The following MGAM variants were observed in gnomAD, a reference collection of about 807,000 sequenced individuals.
The protein encoded by MGAM is alpha-1,4-glucosidase.
Under a neutral mutation model 358.8 loss-of-function variants are expected in MGAM, and 253 were observed. The ratio of observed to expected loss-of-function variants is 0.71; its 90% CI spans 0.64 to 0.78. MGAM has a LOEUF of 0.78. MGAM is among the 30% of genes least tolerant of loss of function. MGAM has a pLI of 0.00. For synonymous variants in MGAM, 1,105 were observed against 1,227.1 expected, an observed-to-expected ratio of 0.90 and a Z score of 2.08; for missense variants, 3,080 against 3,432.6, an observed-to-expected ratio of 0.90 and a Z score of 2.57.
intron 21 of MGAM, among the ~76,000 whole-genome samples, chr7:142,045,945 TATATATTATGTATACATACAATATGTA>T (rs1810300110): frequency 8.7e-6 from 1 of 114,414 alleles, no homozygotes; most frequent in African/African-American, 3.5e-5. Context: ...CAATATGTAA[TATATATTATGTATACATACAATATGTA>T]ATATATATTA....
intron 22 of MGAM, 96 bp downstream of exon 22, chr7:142,047,969 C>T: frequency 1.1e-6 from 1 of 904,750 alleles, no homozygotes; most frequent in East Asian, 2.6e-5. Flanking sequence ...GGAGAAATCT[C>T]AGTAGGCACA....
chr7:142,019,059 C>A, intron 3 of MGAM, 140 bp from the exon 4 acceptor site: 1 of 1,113,346 alleles, frequency 9.0e-7, no homozygotes, highest in Non-Finnish European at 1.3e-6. Context: ...TGGTATATGG[C>A]ACAATTTATC....
intron 3 of MGAM, among the ~76,000 whole-genome samples, chr7:142,012,740 G>A (rs1437198298): frequency 2.6e-5 from 4 of 152,148 alleles, no homozygotes; most frequent in Non-Finnish European, 5.9e-5. Context: ...ACATGATATG[G>A]TGGTATTTAG....
At chr7:142,021,503 G>C in intron 5 of MGAM, 83 bp from the exon 6 acceptor site, 1 of 1,371,550 alleles carries the variant, frequency 7.3e-7, no homozygotes, top group Non-Finnish European at 1.0e-6. Flanking sequence ...ATCAGTGCCT[G>C]ATTCCAGTAT....
In MGAM at chr7:142,034,313, A is replaced by G; in HGVS notation, c.1721A>G (p.Gln574Arg). 6.3e-7 allele frequency: 1 copy of G among 1,599,974 alleles called. No homozygotes were observed. Among genetic ancestry groups the G allele is most frequent in the African/African-American group, 1.3e-5 (1 of 74,858 alleles). The change falls in exon 15 of 71, where the codon CAG (glutamine) becomes CGG (arginine). Residue 574 changes from glutamine (Q) to arginine (R), a missense_variant. Transcript: ENST00000475668. ...AAGACTCTCTGTATGGATGCAGTGC[A>G]GCACTGGGGCAAGCAGTATGACATT... Reference protein sequence around the residue: ...FCKTLCMDAVQHWGKQYDIHN... With the variant: ...FCKTLCMDAVRHWGKQYDIHN...
intron 1 of MGAM, among the ~76,000 whole-genome samples, chr7:142,001,622 G>T (rs1028644147): frequency 6.6e-6 from 1 of 152,136 alleles, no homozygotes; most frequent in African/African-American, 2.4e-5. Context: ...CCTCTTCCTG[G>T]CTTTCTGCAC....
intron 10 of MGAM, among the ~76,000 whole-genome samples, 177 bp downstream of exon 10, chr7:142,027,912 A>G (rs1210656411): frequency 1.3e-5 from 2 of 152,056 alleles, no homozygotes; most frequent in Non-Finnish European, 2.9e-5. Flanking sequence ...AATTTTTTCA[A>G]GGAACCATTG....
intron 43 of MGAM, 80 bp from the exon 44 acceptor site, chr7:142,070,914 A>T: frequency 1.3e-6 from 2 of 1,496,438 alleles, no homozygotes. Context: ...AGAGGGGAGG[A>T]TGAGATGTCT....
intron 1 of MGAM, among the ~76,000 whole-genome samples, chr7:142,003,696 A>T (rs1325925191): frequency 1.3e-5 from 2 of 152,092 alleles, no homozygotes; most frequent in African/African-American, 4.8e-5. Flanking sequence ...AAATCAGACA[A>T]AAGGGGACTT....
At chr7:142,054,194 C>T (rs773206049) in intron 26 of MGAM, among the ~76,000 whole-genome samples, 5 of 152,244 alleles carry the variant, frequency 3.3e-5, no homozygotes, top group East Asian at 1.9e-4. Flanking sequence ...TAGCACACAT[C>T]ACCCACGTGT....
intron 3 of MGAM, among the ~76,000 whole-genome samples, chr7:142,017,332 A>G (rs1299506718): frequency 2.0e-5 from 3 of 152,122 alleles, no homozygotes; most frequent in Non-Finnish European, 2.9e-5. Context: ...AATTCTATTC[A>G]TGCCATCATT....
At position 142,076,257 on chromosome 7, in the gene MGAM, G is replaced by C; in HGVS notation, c.5325+5G>C. The C allele has an allele frequency of 6.5e-7, 1 of 1,531,322 alleles. No homozygotes were observed. Among genetic ancestry groups the C allele is most frequent in the Non-Finnish European group, 9.0e-7 (1 of 1,113,188 alleles). The allele number at this position is 1,531,322 out of a possible 1,614,324, so 94.9% of individuals were successfully genotyped here. A position where few individuals can be genotyped will look rare whatever the true frequency, so the allele number is the denominator to read the frequency against. The stretch of plus-strand genomic sequence containing the variant: ...TGTGAGTTTTCTGTCACTCAAGTGA[G>C]TAGCATATTTTTATGAATCTTAGGT... On this transcript the variant is annotated splice_donor_5th_base_variant and intron_variant, in intron 46 of 70. Transcript: ENST00000475668.
In MGAM at chr7:142,043,701, A is replaced by G. The variant is rs180804305; in HGVS notation, c.2498+2855A>G. Among the ~76,000 whole-genome samples, 350 of 137,660 alleles carry G rather than the reference A, an allele frequency of 2.5e-3. 2 individuals carry two copies. The highest frequency in any genetic ancestry group is 3.6e-3 in the Non-Finnish European group (237 of 65,104). 90.3% of individuals were successfully genotyped at this position (137,660 alleles called of 152,430 possible). On this transcript the variant is annotated intron_variant, in intron 21 of 70. Coordinates refer to ENST00000475668, the MANE Select transcript of MGAM (RefSeq NM_001365693.1). Reference sequence around the variant, plus strand: ...ATATACTATCTAATATATAATACATATATTATATATCATGTAATATGTAAT... The same window carrying G: ...ATATACTATCTAATATATAATACATGTATTATATATCATGTAATATGTAAT...
At position 142,034,756 on chromosome 7, in the gene MGAM, G is replaced by C; in HGVS notation, c.1874G>C (p.Trp625Ser). The C allele has an allele frequency of 6.2e-7, 1 of 1,613,566 alleles. No homozygotes were observed. Among genetic ancestry groups the C allele is most frequent in the African/African-American group, 1.3e-5 (1 of 75,020 alleles). Residue 625 changes from tryptophan to serine, a missense_variant, in exon 16 of 71, where the codon TGG becomes TCG. This residue lies in a region of MGAM where 1,816 missense variants were observed against 1,840.5 expected (regional missense o/e 0.99). Transcript: ENST00000475668. ...FAGSGKFAAH[W>S]LGDNTATWDD... is the part of the protein sequence containing the mutation. ...GGCTCTGGCAAGTTTGCAGCACATT[G>C]GTTAGGAGACAACACTGCCACCTGG...
intron 25 of MGAM, 89 bp downstream of exon 25, chr7:142,052,535 C>T: frequency 2.0e-6 from 3 of 1,514,454 alleles, no homozygotes; most frequent in Non-Finnish European, 2.7e-6. Context: ...TACATAACTA[C>T]TTAAAATCCA....
intron 42 of MGAM, 27 bp from the exon 43 acceptor site, chr7:142,068,620 C>T (rs1563192275): frequency 6.7e-7 from 1 of 1,493,354 alleles, no homozygotes; most frequent in Non-Finnish European, 9.3e-7. Flanking sequence ...GGTGGCACTG[C>T]CTCACCTTGT....
chr7:142,069,880 T>C (rs1311110524), intron 43 of MGAM, among the ~76,000 whole-genome samples: 2 of 145,368 alleles, frequency 1.4e-5, no homozygotes, highest in Non-Finnish European at 3.1e-5. Flanking sequence ...AAAGAAGTCA[T>C]GGAGCAAGCT....
intron 26 of MGAM, among the ~76,000 whole-genome samples, chr7:142,053,837 G>A (rs1811246921): frequency 6.6e-6 from 1 of 152,172 alleles, no homozygotes; most frequent in African/African-American, 2.4e-5. Flanking sequence ...TCTCTTGTAT[G>A]TTTGTACCCT....
chr7:142,030,634 T>G lies in MGAM; in HGVS notation c.1354-7T>G. 1 of 1,607,562 alleles carries G rather than the reference T, an allele frequency of 6.2e-7. No individual in the cohort carries two copies. Among genetic ancestry groups the G allele is most frequent in the Non-Finnish European group, 8.5e-7 (1 of 1,174,170 alleles). ...TAGTTTGTTCATTGTATTCTTCCTA[T>G]TTTTAGGATCCAGCCATCTCCAACA... On this transcript the variant is annotated splice_region_variant and splice_polypyrimidine_tract_variant and intron_variant, in intron 11 of 70. Transcript: ENST00000475668.
Sources: gnomAD v4.1 joint callset for allele counts (sites outside exome capture counted in the v4.1 genomes callset) on GRCh38, gnomAD v4.1.1 for gene constraint, gnomAD v4.1.1 regional missense constraint, MANE v1.5 for transcripts, NCBI Gene and HGNC (gene_info 2026-07-23, HGNC 2026-07-21) for gene names.